Variants in MACROD2 observed in about 807,000 individuals in gnomAD.
MACROD2 encodes ADP-ribose glycohydrolase MACROD2.
A neutral mutation model predicts 70.4 loss-of-function variants in MACROD2; 36 were observed. That is an observed-to-expected ratio of 0.51 (90% CI 0.39 to 0.68). MACROD2 has a LOEUF of 0.68. Ranked by LOEUF, MACROD2 falls within the 30% of genes least tolerant of loss-of-function variation. The probability of loss-of-function intolerance (pLI) is 0.00; values close to 1 mark genes in which losing one functional copy is unlikely to be tolerated. For synonymous variants in MACROD2, 172 were observed against 178.8 expected, an observed-to-expected ratio of 0.96 and a Z score of 0.30; for missense variants, 496 against 538.4, an observed-to-expected ratio of 0.92 and a Z score of 0.78.
At chr20:15,386,121 T>C (rs1036651113) in intron 6 of MACROD2, among the ~76,000 whole-genome samples, 3 of 152,172 alleles carry the variant, frequency 2.0e-5, no homozygotes, top group Non-Finnish European at 4.4e-5. Context: ...AAAGCAGCCA[T>C]GAAGTGATAA....
At chr20:14,922,177 AT>A (rs2074171922) in intron 5 of MACROD2, among the ~76,000 whole-genome samples, 1 of 152,138 alleles carries the variant, frequency 6.6e-6, no homozygotes, top group Admixed American at 6.5e-5. Context: ...AGATACCTGC[AT>A]TTTAACTGTT....
At chr20:14,109,788 A>T (rs1385712684) in intron 3 of MACROD2, among the ~76,000 whole-genome samples, 6 of 151,916 alleles carry the variant, frequency 3.9e-5, no homozygotes, top group Non-Finnish European at 8.8e-5. Flanking sequence ...CCTGGGACCC[A>T]GTGGTTTCAT....
intron 5 of MACROD2, among the ~76,000 whole-genome samples, chr20:15,088,226 A>G (rs549632510): frequency 6.6e-6 from 1 of 151,752 alleles, no homozygotes; most frequent in East Asian, 1.9e-4. Context: ...TTTTGGCATC[A>G]TATATAATGG....
At chr20:14,396,088 A>G (rs1372847430) in intron 3 of MACROD2, among the ~76,000 whole-genome samples, 1 of 152,204 alleles carries the variant, frequency 6.6e-6, no homozygotes, top group Non-Finnish European at 1.5e-5. Context: ...GTGATAGGAC[A>G]ATATACTTAG....
intron 3 of MACROD2, among the ~76,000 whole-genome samples, chr20:14,322,634 TG>T (rs1438246521): frequency 6.6e-6 from 1 of 152,082 alleles, no homozygotes; most frequent in African/African-American, 2.4e-5. Context: ...GACAGAGTGT[TG>T]GGAAACATTT....
intron 3 of MACROD2, among the ~76,000 whole-genome samples, chr20:14,375,753 T>C (rs987818348): frequency 5.3e-5 from 8 of 152,304 alleles, no homozygotes; most frequent in African/African-American, 1.9e-4. Flanking sequence ...AATCACTGCC[T>C]TGTAGATATC....
intron 15 of MACROD2, among the ~76,000 whole-genome samples, chr20:16,015,962 G>A (rs2066923305): frequency 6.6e-6 from 1 of 151,768 alleles, no homozygotes; most frequent in African/African-American, 2.4e-5. Context: ...GAGGTGTGAG[G>A]GTGTGAGGGA....
At chr20:14,298,709 A>G (rs929975709) in intron 3 of MACROD2, among the ~76,000 whole-genome samples, 3 of 150,572 alleles carry the variant, frequency 2.0e-5, no homozygotes, top group East Asian at 3.9e-4. Flanking sequence ...TTTGTGACTC[A>G]TGGGAGGAGG....
At chr20:15,707,032 A>C (rs6043471) in intron 8 of MACROD2, among the ~76,000 whole-genome samples, 2,700 of 152,338 alleles carry the variant, frequency 0.018, 86 homozygotes, top group African/African-American at 0.06. Context: ...TCAACCCTCC[A>C]GATAAAAAGT....
intron 6 of MACROD2, among the ~76,000 whole-genome samples, chr20:15,391,487 T>C (rs2045791040): frequency 6.6e-6 from 1 of 152,196 alleles, no homozygotes; most frequent in Non-Finnish European, 1.5e-5. Context: ...AATCTGACTT[T>C]GCCAAAGGCG....
intron 5 of MACROD2, among the ~76,000 whole-genome samples, chr20:14,945,702 G>T (rs1014932155): frequency 2.6e-5 from 4 of 152,132 alleles, no homozygotes; most frequent in African/African-American, 9.7e-5. Context: ...AACTGCGGGA[G>T]ACAAAAGCAA....
At chr20:14,093,992 A>AT (rs1261900110) in intron 3 of MACROD2, among the ~76,000 whole-genome samples, 36 of 151,530 alleles carry the variant, frequency 2.4e-4, no homozygotes, top group African/African-American at 8.7e-4. Flanking sequence ...TTTTTTTTAA[A>AT]ATTTTTTTTT....
chr20:15,715,732 A>T (rs567311140), intron 8 of MACROD2, among the ~76,000 whole-genome samples: 1 of 152,182 alleles, frequency 6.6e-6, no homozygotes, highest in Non-Finnish European at 1.5e-5. Context: ...GTCTTAATTA[A>T]ATAATGCTGA....
chr20:15,327,382 A>T (rs1325109342), intron 6 of MACROD2, among the ~76,000 whole-genome samples: 1 of 152,164 alleles, frequency 6.6e-6, no homozygotes, highest in Non-Finnish European at 1.5e-5. Context: ...CTGCTAATAA[A>T]GACATATCTG....
At chr20:15,439,584 A>G (rs1269886865) in intron 7 of MACROD2, among the ~76,000 whole-genome samples, 1 of 152,130 alleles carries the variant, frequency 6.6e-6, no homozygotes, top group Non-Finnish European at 1.5e-5. Context: ...AATTGCAGTG[A>G]AACCACCTTA....
chr20:15,772,862 G>T (rs1306386012), intron 8 of MACROD2, among the ~76,000 whole-genome samples: 5 of 151,920 alleles, frequency 3.3e-5, no homozygotes, highest in African/African-American at 1.2e-4. Flanking sequence ...TTTATAAAAA[G>T]AAATTAAGCA....
chr20:14,807,389 T>A (rs149936975), intron 5 of MACROD2, among the ~76,000 whole-genome samples: 1 of 151,950 alleles, frequency 6.6e-6, no homozygotes, highest in African/African-American at 2.4e-5. Context: ...GAAAGCAATA[T>A]CATCAACATC....
intron 3 of MACROD2, among the ~76,000 whole-genome samples, chr20:14,357,584 C>G (rs2083183882): frequency 6.6e-6 from 1 of 152,170 alleles, no homozygotes; most frequent in Non-Finnish European, 1.5e-5. Context: ...ATTCTACTCA[C>G]AAATATTTCT....
At chr20:15,786,313 G>A (rs2051926721) in intron 8 of MACROD2, among the ~76,000 whole-genome samples, 2 of 151,998 alleles carry the variant, frequency 1.3e-5, no homozygotes, top group South Asian at 2.1e-4. Flanking sequence ...GAAAACATGA[G>A]TTGAGAAACA....
Sources: allele counts gnomAD v4.1 joint callset (sites outside exome capture counted in the v4.1 genomes callset), GRCh38; gene constraint gnomAD v4.1.1; transcripts MANE v1.5; gene names NCBI Gene and HGNC (gene_info 2026-07-23, HGNC 2026-07-21).